Variants in SRGAP2C observed in about 807,000 individuals in gnomAD.
SRGAP2C encodes SLIT-ROBO Rho GTPase activating protein 2C.
A neutral mutation model predicts 25.1 loss-of-function variants in SRGAP2C; 15 were observed. The ratio of observed to expected loss-of-function variants is 0.60; its 90% CI spans 0.40 to 0.92. The LOEUF (loss-of-function observed/expected upper bound fraction) is 0.92, where lower values mean the gene tolerates loss of function less well. SRGAP2C is among the 40% of genes least tolerant of loss of function. The pLI is 0.00. For missense variants in SRGAP2C, 144 were observed against 264.4 expected (o/e 0.54, Z 3.16); for synonymous variants, 44 against 96.6 (o/e 0.46, Z 3.19).
chr1:121,343,184 T>C (rs1553343129), intron 4 of SRGAP2C, among the ~76,000 whole-genome samples: 25 of 151,926 alleles, frequency 1.6e-4, no homozygotes, highest in African/African-American at 6.0e-4. Context: ...CACACAGATT[T>C]TTCAAACATT....
intron 3 of SRGAP2C, 52 bp downstream of exon 3, chr1:121,285,047 G>T (rs1657328471): frequency 1.2e-6 from 1 of 801,384 alleles, no homozygotes; most frequent in Non-Finnish European, 1.9e-6. Flanking sequence ...TGGGGTCCAG[G>T]GTGGAGGGGG....
chr1:121,212,986 C>G (rs1237520036), intron 2 of SRGAP2C, among the ~76,000 whole-genome samples: 2 of 128,178 alleles, frequency 1.6e-5, no homozygotes, highest in African/African-American at 2.8e-5. Flanking sequence ...CCAGTTTGAC[C>G]TACTTAACAA....
rs587647946 is a variant in SRGAP2C at position 121,253,917 on chromosome 1, C to T, written c.68-30886C>T. Among the ~76,000 whole-genome samples the T allele has an allele frequency of 2.2e-3, 330 of 151,252 alleles. 4 individuals carry two copies. Among genetic ancestry groups the T allele is most frequent in the African/African-American group, 5.5e-3 (228 of 41,322 alleles). ...GCTATAAATTAATTTTTTTATTTTT[C>T]GTTTTTCTCTTTTTTGATGGAGTCT... On this transcript the variant is annotated intron_variant, in intron 2 of 9. Coordinates refer to ENST00000367123, the MANE Select transcript of SRGAP2C (RefSeq NM_001329984.2).
At chr1:121,191,629 C>G (rs587610164) in intron 2 of SRGAP2C, among the ~76,000 whole-genome samples, 3 of 151,292 alleles carry the variant, frequency 2.0e-5, no homozygotes, top group South Asian at 4.2e-4. Flanking sequence ...TGGTAAGGTG[C>G]AGGGCATGGT....
chr1:121,202,322 C>T (rs1367773044), intron 2 of SRGAP2C, among the ~76,000 whole-genome samples: 5 of 152,240 alleles, frequency 3.3e-5, no homozygotes, highest in Non-Finnish European at 7.4e-5. Flanking sequence ...TCTTTCCTGT[C>T]CCCTCCCCTC....
chr1:121,199,734 G>T (rs1469936510), intron 2 of SRGAP2C, among the ~76,000 whole-genome samples: 2 of 143,890 alleles, frequency 1.4e-5, no homozygotes, highest in African/African-American at 2.7e-5. Context: ...TGCGGAGGTT[G>T]CAGTGAGCCC....
chr1:121,230,105 C>T, intron 2 of SRGAP2C, among the ~76,000 whole-genome samples: 1 of 151,782 alleles, frequency 6.6e-6, no homozygotes, highest in East Asian at 2.0e-4. Flanking sequence ...AATCCCTAAT[C>T]TTGGGATTTC....
At chr1:121,234,880 AC>A (rs1655907507) in intron 2 of SRGAP2C, among the ~76,000 whole-genome samples, 2 of 150,796 alleles carry the variant, frequency 1.3e-5, no homozygotes, top group African/African-American at 4.9e-5. Flanking sequence ...CAGCAAGAAG[AC>A]CCTCACCAGA....
chr1:121,306,858 G>C (rs2101591110), intron 3 of SRGAP2C, among the ~76,000 whole-genome samples: 1 of 152,090 alleles, frequency 6.6e-6, no homozygotes, highest in Admixed American at 6.5e-5. Flanking sequence ...TATACTACAA[G>C]CTGGAATATA....
intron 2 of SRGAP2C, among the ~76,000 whole-genome samples, chr1:121,239,245 AC>A (rs1188694912): frequency 5.5e-3 from 12 of 2,176 alleles, no homozygotes; most frequent in African/African-American, 0.027. Context: ...ATATATATAT[AC>A]TATATATATA....
At position 121,291,057 on chromosome 1, in the gene SRGAP2C, G is replaced by T. The variant is rs1183459297; in HGVS notation, c.260+6062G>T. Among the ~76,000 whole-genome samples, 9 of 134,384 alleles carry T rather than the reference G, an allele frequency of 6.7e-5. 1 individual carries two copies. The highest frequency in any genetic ancestry group is 1.5e-4 in the Non-Finnish European group (9 of 61,616). 88.2% of individuals were successfully genotyped at this position (134,384 alleles called of 152,430 possible). A position where few individuals can be genotyped will look rare whatever the true frequency, so the allele number is the denominator to read the frequency against. The stretch of plus-strand genomic sequence containing the variant: ...TCTTAGGTGGGGAGAGAGACACGAG[G>T]AAAACAGAAGGCCAGGATGAAGGTT... On this transcript the variant is annotated intron_variant, in intron 3 of 9. Transcript: ENST00000367123.
chr1:121,216,454 C>A (rs1253166847), intron 2 of SRGAP2C, among the ~76,000 whole-genome samples: 11 of 151,346 alleles, frequency 7.3e-5, no homozygotes, highest in Non-Finnish European at 1.3e-4. Context: ...AGGAAAGTGG[C>A]AAGGAACAAA....
intron 4 of SRGAP2C, among the ~76,000 whole-genome samples, chr1:121,345,801 C>T (rs1658730253): frequency 6.7e-6 from 1 of 150,360 alleles, no homozygotes; most frequent in Admixed American, 6.6e-5. Flanking sequence ...ATAGTATGTG[C>T]CAACATGCCT....
intron 4 of SRGAP2C, among the ~76,000 whole-genome samples, chr1:121,339,366 C>G (rs1488421901): frequency 6.6e-6 from 1 of 151,476 alleles, no homozygotes; most frequent in East Asian, 1.9e-4. Flanking sequence ...ATTCTCGTGC[C>G]TCAGCCTCCC....
intron 2 of SRGAP2C, among the ~76,000 whole-genome samples, chr1:121,266,659 A>G (rs1656793379): frequency 1.5e-5 from 2 of 131,006 alleles, no homozygotes; most frequent in South Asian, 2.8e-4. Context: ...ACTTAGACAT[A>G]TGTGTTAGGA....
intron 4 of SRGAP2C, among the ~76,000 whole-genome samples, chr1:121,327,565 T>TA (rs1397203649): frequency 2.5e-5 from 2 of 79,292 alleles, no homozygotes; most frequent in African/African-American, 9.7e-5. Context: ...CCCTGACTCC[T>TA]AAAAAAAAAA....
chr1:121,308,636 A>G (rs1193269636), intron 3 of SRGAP2C, among the ~76,000 whole-genome samples: 7 of 152,028 alleles, frequency 4.6e-5, no homozygotes, highest in African/African-American at 1.7e-4. Context: ...GCAAGACCCC[A>G]TCTCTGCAAA....
intron 2 of SRGAP2C, among the ~76,000 whole-genome samples, chr1:121,269,263 GT>G (rs1553334851): frequency 6.3e-5 from 2 of 31,990 alleles, no homozygotes; most frequent in Admixed American, 4.0e-4. Context: ...CGATGAAAAG[GT>G]AGGTGGGTTG....
At chr1:121,295,765 TTTGGGTTTTTTTTTAGA>T (rs1657584268) in intron 3 of SRGAP2C, among the ~76,000 whole-genome samples, 1 of 151,054 alleles carries the variant, frequency 6.6e-6, no homozygotes, top group African/African-American at 2.5e-5. Flanking sequence ...GTTGTTGTTG[TTTGGGTTTTTTTTTAGA>T]TGGAGTTTCG....
Sources: gnomAD v4.1 joint callset for allele counts (sites outside exome capture counted in the v4.1 genomes callset) on GRCh38, gnomAD v4.1.1 for gene constraint, MANE v1.5 for transcripts, NCBI Gene and HGNC (gene_info 2026-07-23, HGNC 2026-07-21) for gene names.